FSHR: variants seen among roughly 807,000 people sequenced by gnomAD.
FSHR encodes the protein follicle-stimulating hormone receptor.
FSHR carries 46 observed loss-of-function variants against 52.1 expected under a neutral mutation model. The ratio of observed to expected loss-of-function variants is 0.88; its 90% CI spans 0.70 to 1.13. The LOEUF (loss-of-function observed/expected upper bound fraction) is 1.13. Ranked by LOEUF, FSHR falls within the 50% of genes most tolerant of loss-of-function variation. The probability of loss-of-function intolerance (pLI) is 0.00; values close to 1 mark genes in which losing one functional copy is unlikely to be tolerated. For missense variants in FSHR, 964 were observed against 834.6 expected (o/e 1.16, Z -1.91); for synonymous variants, 399 against 309.6 (o/e 1.29, Z -3.03).
chr2:49,149,088 A>G (rs1473790191), intron 1 of FSHR, among the ~76,000 whole-genome samples: 1 of 152,040 alleles, frequency 6.6e-6, no homozygotes, highest in African/African-American at 2.4e-5. Context: ...TATTATTAGT[A>G]GCAGAAATAT....
chr2:49,012,027 C>T (rs1667294419), intron 4 of FSHR, among the ~76,000 whole-genome samples: 1 of 152,044 alleles, frequency 6.6e-6, no homozygotes. Flanking sequence ...AAGCACATGT[C>T]ATGGCAGCCA....
intron 4 of FSHR, among the ~76,000 whole-genome samples, chr2:49,015,497 A>G (rs966634740): frequency 1.3e-5 from 2 of 152,200 alleles, no homozygotes; most frequent in Non-Finnish European, 2.9e-5. Context: ...TGAGGTTCAT[A>G]TAAGCCATGT....
At chr2:49,127,818 T>TTCCTCC (rs1672085605) in intron 1 of FSHR, among the ~76,000 whole-genome samples, 1 of 68,332 alleles carries the variant, frequency 1.5e-5, no homozygotes, top group African/African-American at 5.9e-5. Context: ...CTTCTTCTTC[T>TTCCTCC]TCTTCTTCTT....
intron 2 of FSHR, among the ~76,000 whole-genome samples, chr2:49,040,478 A>G (rs1018654478): frequency 6.6e-6 from 1 of 152,198 alleles, no homozygotes; most frequent in African/African-American, 2.4e-5. Context: ...AAGAATCTAA[A>G]CCATATGAAG....
intron 1 of FSHR, among the ~76,000 whole-genome samples, chr2:49,089,524 TCTTC>T (rs1670523564): frequency 6.6e-6 from 1 of 152,152 alleles, no homozygotes; most frequent in African/African-American, 2.4e-5. Flanking sequence ...ACACAGAGAC[TCTTC>T]ATTAAAAAAT....
At chr2:49,043,078 G>A (rs899188074) in intron 2 of FSHR, among the ~76,000 whole-genome samples, 8 of 152,104 alleles carry the variant, frequency 5.3e-5, no homozygotes, top group Non-Finnish European at 1.0e-4. Context: ...TTCCTCTAGG[G>A]GACATCAGGA....
At chr2:49,084,131 T>C (rs150477922) in intron 1 of FSHR, among the ~76,000 whole-genome samples, 1,538 of 152,070 alleles carry the variant, frequency 0.01, 26 homozygotes, top group African/African-American at 0.035. Flanking sequence ...AGAACAGAAA[T>C]TGTAACAAAC....
intron 2 of FSHR, among the ~76,000 whole-genome samples, chr2:49,036,001 C>G (rs757890834): frequency 2.8e-4 from 42 of 152,212 alleles, no homozygotes; most frequent in Non-Finnish European, 5.4e-4. Flanking sequence ...CAACACTTCT[C>G]TTACTCCCTT....
Position 48,963,686 on chromosome 2 carries a change from C to T in FSHR, c.1135G>A (p.Gly379Arg). ...AGGATCACTAGCACTATGATGTTCC[C>T]AGTGATGGCCAGGATGCTGATAAAC... ...IWFISILAIT[G>R]NIIVLVILTT... is the part of the protein sequence containing the mutation. Residue 379 changes from glycine to arginine, a missense_variant, in exon 10 of 10, where the codon GGG becomes AGG. Transcript: ENST00000406846. The T allele has an allele frequency of 6.2e-7, 1 of 1,614,152 alleles. No individual in the cohort carries two copies. Among genetic ancestry groups the T allele is most frequent in the Non-Finnish European group, 8.5e-7 (1 of 1,180,020 alleles).
At chr2:49,007,114 C>A (rs950398586) in intron 4 of FSHR, among the ~76,000 whole-genome samples, 4 of 152,092 alleles carry the variant, frequency 2.6e-5, no homozygotes, top group Non-Finnish European at 5.9e-5. Context: ...TGGGGAGCCA[C>A]CAGGCCTTTC....
At chr2:49,141,274 A>G (rs978113286) in intron 1 of FSHR, among the ~76,000 whole-genome samples, 1 of 152,192 alleles carries the variant, frequency 6.6e-6, no homozygotes, top group Non-Finnish European at 1.5e-5. Context: ...CTATTAAAAA[A>G]TACCTAAGAC....
intron 2 of FSHR, among the ~76,000 whole-genome samples, chr2:49,042,236 T>A (rs1668502130): frequency 6.6e-6 from 1 of 152,108 alleles, no homozygotes; most frequent in African/African-American, 2.4e-5. Flanking sequence ...ACCTTCCAAT[T>A]TTTTTCCCCC....
At chr2:49,129,737 T>C (rs550066524) in intron 1 of FSHR, among the ~76,000 whole-genome samples, 1 of 152,288 alleles carries the variant, frequency 6.6e-6, no homozygotes, top group Admixed American at 6.5e-5. Context: ...TATGAGATAA[T>C]GTGTTATCTC....
intron 4 of FSHR, among the ~76,000 whole-genome samples, chr2:48,991,682 A>C (rs1374931521): frequency 6.6e-6 from 1 of 152,172 alleles, no homozygotes; most frequent in Non-Finnish European, 1.5e-5. Flanking sequence ...ATGTGGGTGG[A>C]ACTGGCTGCC....
intron 6 of FSHR, among the ~76,000 whole-genome samples, chr2:48,986,838 C>G (rs571645340): frequency 3.3e-5 from 5 of 152,082 alleles, no homozygotes; most frequent in African/African-American, 1.2e-4. Context: ...TTCTGTCTTA[C>G]GGTCTGGACA....
At chr2:49,140,791 A>AT (rs796404361) in intron 1 of FSHR, among the ~76,000 whole-genome samples, 14 of 151,686 alleles carry the variant, frequency 9.2e-5, no homozygotes, top group African/African-American at 1.7e-4. Flanking sequence ...TAGATCAATA[A>AT]TTTTTTTTTC....
At chr2:49,088,456 C>T (rs1296504688) in intron 1 of FSHR, among the ~76,000 whole-genome samples, 1 of 152,178 alleles carries the variant, frequency 6.6e-6, no homozygotes, top group African/African-American at 2.4e-5. Context: ...CAGAATTGAA[C>T]TTTTGTTACT....
In FSHR at chr2:49,135,282, A is replaced by G. The variant is rs898914901; in HGVS notation, c.152+18984T>C. Among the ~76,000 whole-genome samples the G allele has an allele frequency of 3.3e-5, 5 of 152,152 alleles. No individual in the cohort carries two copies. The East Asian group carries it at 9.6e-4, about 29-fold the overall frequency. On this transcript the variant is annotated intron_variant, in intron 1 of 9. Transcript: ENST00000406846. ...ATACAAAGTATGTGTTCCAACTACA[A>G]TGAAATGGAATGAAAAATAAATATT...
rs1328903932 is a variant in FSHR at position 49,099,748 on chromosome 2, A to G, written c.153-31458T>C. Among the ~76,000 whole-genome samples, 3 of 152,278 alleles carry G rather than the reference A, an allele frequency of 2.0e-5. No individual in the cohort carries two copies. In the East Asian group the frequency reaches 5.8e-4, roughly 29 times the overall value. On this transcript the variant is annotated intron_variant, in intron 1 of 9. Coordinates refer to ENST00000406846, the MANE Select transcript of FSHR (RefSeq NM_000145.4). ...GCGTCTGTAAAACATGGAATGCCAA[A>G]GATTGCTGGCCATCACCAGAAGCTA...
Sources: gnomAD v4.1 joint callset for allele counts (sites outside exome capture counted in the v4.1 genomes callset) on GRCh38, gnomAD v4.1.1 for gene constraint, MANE v1.5 for transcripts, NCBI Gene and HGNC (gene_info 2026-07-23, HGNC 2026-07-21) for gene names.